Variants in AFG2B observed in about 807,000 individuals in gnomAD.
AFG2B encodes AAA ATPase AFG2B.
chr15:45,402,726 C>T, the AFG2B span: 2 of 1,564,126 alleles, frequency 1.3e-6, no homozygotes, highest in Non-Finnish European at 8.6e-7. Flanking sequence ...TGAATCGCCT[C>T]CTCCTAGTGC....
chr15:45,409,374 CAAA>C, the AFG2B span, among the ~76,000 whole-genome samples: 6 of 83,614 alleles, frequency 7.2e-5, no homozygotes, highest in Non-Finnish European at 9.2e-5. Context: ...GAGACCCCGC[CAAA>C]AAAAAAAAAA....
the AFG2B span, among the ~76,000 whole-genome samples, chr15:45,404,888 T>G: frequency 2.0e-5 from 3 of 152,116 alleles, no homozygotes; most frequent in Admixed American, 6.6e-5. Context: ...TAATTCTTTT[T>G]TAATTGATCT....
At chr15:45,405,217 C>T in the AFG2B span, 1 of 1,155,370 alleles carries the variant, frequency 8.7e-7, no homozygotes, top group Non-Finnish European at 1.2e-6. Context: ...TGTCTGGTTG[C>T]TATCATTCTG....
the AFG2B span, chr15:45,402,798 C>G: frequency 4.5e-5 from 71 of 1,593,408 alleles, no homozygotes; most frequent in African/African-American, 8.3e-4. Context: ...CAGGCGCGCC[C>G]GGTGCCCGGA....
chr15:45,405,222 A>T, the AFG2B span: 1 of 1,221,818 alleles, frequency 8.2e-7, no homozygotes, highest in African/African-American at 1.5e-5. Flanking sequence ...GGTTGCTATC[A>T]TTCTGCTGTC....
At chr15:45,421,222 A>T in the AFG2B span, 1 of 1,585,782 alleles carries the variant, frequency 6.3e-7, no homozygotes, top group Non-Finnish European at 8.6e-7. Context: ...AATCACCTTA[A>T]ACTCTTGTTC....
the AFG2B span, chr15:45,421,244 A>T: frequency 6.8e-7 from 1 of 1,466,020 alleles, no homozygotes; most frequent in Non-Finnish European, 9.2e-7. Context: ...GTTCACATTA[A>T]TTGAAATGTG....
the AFG2B span, among the ~76,000 whole-genome samples, chr15:45,404,807 C>CAAAAAA: frequency 2.1e-5 from 2 of 93,950 alleles, no homozygotes; most frequent in Admixed American, 1.1e-4. Flanking sequence ...AACTGTGTCT[C>CAAAAAA]AAAAAAAAAA....
the AFG2B span, chr15:45,410,291 A>AT: frequency 6.7e-7 from 1 of 1,491,228 alleles, no homozygotes; most frequent in African/African-American, 1.4e-5. Flanking sequence ...CCAAAAGAAG[A>AT]TTTTAAAAAC....
the AFG2B span, chr15:45,402,600 C>T: frequency 1.3e-6 from 2 of 1,573,024 alleles, no homozygotes; most frequent in Non-Finnish European, 1.7e-6. Flanking sequence ...GCGGCTCCTG[C>T]CTCTGCACTG....
At chr15:45,403,707 A>G in the AFG2B span, among the ~76,000 whole-genome samples, 2 of 152,132 alleles carry the variant, frequency 1.3e-5, no homozygotes, top group Non-Finnish European at 2.9e-5. Context: ...GTATTTCCCC[A>G]GAGTCAAATT....
chr15:45,412,887 C>T, the AFG2B span, among the ~76,000 whole-genome samples: 1 of 152,138 alleles, frequency 6.6e-6, no homozygotes, highest in Admixed American at 6.5e-5. Flanking sequence ...GCCAATTCGC[C>T]TACATGTGAT....
the AFG2B span, among the ~76,000 whole-genome samples, chr15:45,419,735 G>T: frequency 6.6e-6 from 1 of 151,934 alleles, no homozygotes; most frequent in South Asian, 2.1e-4. Context: ...AGAACTATTG[G>T]CTGGGCTTAG....
At chr15:45,412,070 C>A in the AFG2B span, among the ~76,000 whole-genome samples, 2 of 151,000 alleles carry the variant, frequency 1.3e-5, no homozygotes, top group Non-Finnish European at 2.9e-5. Flanking sequence ...TGTACTCCAG[C>A]TTGAGCAACA....
At chr15:45,408,282 A>T in the AFG2B span, among the ~76,000 whole-genome samples, 2 of 152,258 alleles carry the variant, frequency 1.3e-5, no homozygotes, top group Admixed American at 6.5e-5. Flanking sequence ...TAAACCCTTT[A>T]TCCAAATTCA....
At chr15:45,410,547 A>G in the AFG2B span, 4 of 1,589,098 alleles carry the variant, frequency 2.5e-6, no homozygotes, top group South Asian at 1.1e-5. Flanking sequence ...CAGATAATCT[A>G]CTTAATCCAG....
chr15:45,416,887 A>G, the AFG2B span: 3 of 155,854 alleles, frequency 1.9e-5, no homozygotes, highest in South Asian at 2.0e-4. Flanking sequence ...TTCTGTAGCC[A>G]TATATCTCCA....
chr15:45,419,549 C>T, the AFG2B span, among the ~76,000 whole-genome samples: 6 of 151,640 alleles, frequency 4.0e-5, no homozygotes, highest in Non-Finnish European at 5.9e-5. Context: ...TTTTCGTAAA[C>T]TTTTACTAAA....
chr15:45,405,451 C>T, the AFG2B span: 3 of 1,614,050 alleles, frequency 1.9e-6, no homozygotes, highest in Non-Finnish European at 1.7e-6. Context: ...TTGGTGCCGA[C>T]CTGACAGCAC....
Sources: allele counts gnomAD v4.1 joint callset (sites outside exome capture counted in the v4.1 genomes callset), GRCh38; gene constraint gnomAD v4.1.1; transcripts MANE v1.5; gene names NCBI Gene and HGNC (gene_info 2026-07-23, HGNC 2026-07-21).